Variants in NT5C3A observed in about 807,000 individuals in gnomAD.
The protein encoded by NT5C3A is 5'-nucleotidase, cytosolic IIIA.
Under a neutral mutation model 40.0 loss-of-function variants are expected in NT5C3A, and 23 were observed. The observed-to-expected ratio is 0.58, with a 90% CI of 0.41 to 0.81. The LOEUF (loss-of-function observed/expected upper bound fraction) is 0.81. Among genes scored for constraint, NT5C3A ranks in the 40% least tolerant of loss-of-function variants. NT5C3A has a pLI of 0.00. For synonymous variants in NT5C3A, 130 were observed against 141.4 expected, an observed-to-expected ratio of 0.92 and a Z score of 0.57; for missense variants, 328 against 403.0, an observed-to-expected ratio of 0.81 and a Z score of 1.59.
intron 1 of NT5C3A, among the ~76,000 whole-genome samples, chr7:33,057,903 A>C (rs1023830422): frequency 6.6e-6 from 1 of 152,220 alleles, no homozygotes; most frequent in Non-Finnish European, 1.5e-5. Flanking sequence ...TTTAGGGGCT[A>C]AGCTTAAGAC....
At chr7:33,052,969 G>GT (rs1288336375) in intron 1 of NT5C3A, among the ~76,000 whole-genome samples, 1 of 152,150 alleles carries the variant, frequency 6.6e-6, no homozygotes, top group African/African-American at 2.4e-5. Context: ...ATGGGATCCT[G>GT]TATTTCAAAA....
At position 33,015,811 on chromosome 7, in the gene NT5C3A, G is replaced by C; in HGVS notation, c.753C>G (p.Ala251=). 6.2e-7 allele frequency: 1 copy of C among 1,610,874 alleles called. No homozygotes were observed. Among genetic ancestry groups the C allele is most frequent in the African/African-American group, 1.3e-5 (1 of 74,942 alleles). Residue 251 remains alanine (A), a synonymous_variant, in exon 8 of 9, where the codon GCC becomes GCG. Coordinates refer to ENST00000610140, the MANE Select transcript of NT5C3A (RefSeq NM_001002010.5). ...LIHVFNKHDG[A]LRNTEYFNQL... ...GATTGAAATATTCTGTATTCCTCAA[G>C]GCACCATCATGTTTGTTAAATACAT...
chr7:33,035,148 T>C (rs998779364), intron 1 of NT5C3A, among the ~76,000 whole-genome samples: 2 of 151,566 alleles, frequency 1.3e-5, no homozygotes, highest in African/African-American at 4.8e-5. Flanking sequence ...AAGGTAAGAT[T>C]ACTGCTCTCA....
chr7:33,045,793 A>C (rs1426768919), intron 1 of NT5C3A: 1 of 151,988 alleles, frequency 6.6e-6, no homozygotes, highest in South Asian at 2.1e-4. Flanking sequence ...TTTTTAAAAA[A>C]ACATAGAGAC....
intron 1 of NT5C3A, chr7:33,041,145 C>G: frequency 1.0e-6 from 1 of 985,012 alleles, no homozygotes. Context: ...TTAGAACTGG[C>G]AACTGGCTCT....
chr7:33,058,301 GTAAC>G (rs1437123308), intron 1 of NT5C3A, among the ~76,000 whole-genome samples: 1 of 151,784 alleles, frequency 6.6e-6, no homozygotes, highest in Non-Finnish European at 1.5e-5. Context: ...TGGAGAGTAA[GTAAC>G]TATAATTCAG....
rs545486932 is a variant in NT5C3A, at chr7:33,054,865, T to C, written c.138+7703A>G. 2.6e-5 allele frequency among the ~76,000 whole-genome samples: 4 copies of C among 152,370 alleles called. No homozygotes were observed. The East Asian group carries it at 7.7e-4, about 29-fold the overall frequency. ...AGGGATGCTCAATCTGCATTCATTT[T>C]GGAGTACTGTTAGGTCTATAGTTTT... On this transcript the variant is annotated intron_variant, in intron 1 of 8. Transcript: ENST00000610140.
chr7:33,059,265 T>C (rs1375386223), intron 1 of NT5C3A, among the ~76,000 whole-genome samples: 2 of 152,228 alleles, frequency 1.3e-5, no homozygotes, highest in Non-Finnish European at 2.9e-5. Context: ...AAGTAATGTA[T>C]ATATTGGTTA....
At chr7:33,021,381 T>A in intron 4 of NT5C3A, 24 bp from the exon 5 acceptor site, 1 of 1,605,204 alleles carries the variant, frequency 6.2e-7, no homozygotes, top group Non-Finnish European at 8.5e-7. Flanking sequence ...AATAACTTAA[T>A]CATGAAGATT....
intron 1 of NT5C3A, among the ~76,000 whole-genome samples, chr7:33,043,051 C>T (rs1189100096): frequency 1.3e-5 from 2 of 152,032 alleles, no homozygotes; most frequent in Non-Finnish European, 2.9e-5. Flanking sequence ...TATAAACAAC[C>T]CTAGAAGGTA....
intron 1 of NT5C3A, among the ~76,000 whole-genome samples, chr7:33,061,262 T>C (rs1319584988): frequency 6.6e-6 from 1 of 152,216 alleles, no homozygotes; most frequent in African/African-American, 2.4e-5. Flanking sequence ...GTTAAAACCA[T>C]TTGCTGCTGT....
At chr7:33,056,936 C>T (rs995943438) in intron 1 of NT5C3A, among the ~76,000 whole-genome samples, 3 of 152,116 alleles carry the variant, frequency 2.0e-5, no homozygotes, top group Non-Finnish European at 2.9e-5. Context: ...CTCAGCCTCC[C>T]GAGTAGCTGG....
At chr7:33,030,626 T>C (rs1021233011) in intron 1 of NT5C3A, among the ~76,000 whole-genome samples, 2 of 152,198 alleles carry the variant, frequency 1.3e-5, no homozygotes, top group Non-Finnish European at 2.9e-5. Context: ...GGTTGATTGA[T>C]GCCAATCTGA....
chr7:33,034,403 T>C lies in NT5C3A; in HGVS notation c.139-7488A>G, dbSNP rs538680846. On this transcript the variant is annotated intron_variant, in intron 1 of 8. Transcript: ENST00000610140. ...ACAAAGAGGATTAACATTGTTTATA[T>C]GTCAGGGAATTCCTATACTGCTTGT... 2.5e-4 allele frequency among the ~76,000 whole-genome samples: 38 copies of C among 152,208 alleles called. No homozygotes were observed. In the South Asian group the frequency reaches 7.7e-3, roughly 31 times the overall value.
rs1785966001 is a variant in NT5C3A, at chr7:33,026,799, T to C, written c.237+18A>G. ...ATGAGCCAACACACACAGCCAAGGC[T>C]TCTTGATAATTATTCACCTGAAGTT... On this transcript the variant is annotated intron_variant, in intron 2 of 8. Transcript: ENST00000610140. 1.3e-6 allele frequency: 2 copies of C among 1,544,578 alleles called. No homozygotes were observed. Among genetic ancestry groups the C allele is most frequent in the African/African-American group, 2.7e-5 (2 of 73,522 alleles).
intron 1 of NT5C3A, among the ~76,000 whole-genome samples, chr7:33,035,187 GA>G (rs1364839937): frequency 1.6e-5 from 2 of 124,946 alleles, no homozygotes; most frequent in African/African-American, 2.9e-5. Context: ...AATAAGGAAT[GA>G]GTTTTTTTTT....
At chr7:33,046,413 C>A (rs1392095771) in intron 1 of NT5C3A, among the ~76,000 whole-genome samples, 3 of 152,052 alleles carry the variant, frequency 2.0e-5, no homozygotes, top group Non-Finnish European at 2.9e-5. Context: ...GTGGCATGTG[C>A]CTGTAGCCCC....
chr7:33,040,860 G>A (rs189514347), intron 1 of NT5C3A: 69 of 982,170 alleles, frequency 7.0e-5, no homozygotes, highest in Middle Eastern at 1.0e-3. Flanking sequence ...TACATGAACC[G>A]TACACACTTA....
intron 1 of NT5C3A, chr7:33,029,407 A>T (rs1469423224): frequency 3.0e-6 from 1 of 336,250 alleles, no homozygotes. Context: ...TTGGAATATC[A>T]CTTCTGTAAC....
Sources: allele counts gnomAD v4.1 joint callset (sites outside exome capture counted in the v4.1 genomes callset), GRCh38; gene constraint gnomAD v4.1.1; transcripts MANE v1.5; gene names NCBI Gene and HGNC (gene_info 2026-07-23, HGNC 2026-07-21).